Variants in SNX30 observed in about 807,000 individuals in gnomAD.
The protein encoded by SNX30 is sorting nexin family member 30.
SNX30 carries 24 observed loss-of-function variants against 46.4 expected under a neutral mutation model. The observed-to-expected ratio is 0.52, with a 90% CI of 0.37 to 0.73. SNX30 has a LOEUF of 0.73. Ranked by LOEUF, SNX30 falls within the 30% of genes least tolerant of loss-of-function variation. The pLI is 0.00. For missense variants in SNX30, 533 were observed against 555.7 expected (o/e 0.96, Z 0.41); for synonymous variants, 189 against 211.5 (o/e 0.89, Z 0.92).
upstream of SNX30, among the ~76,000 whole-genome samples, chr9:112,750,153 G>C (rs1285612937): frequency 6.6e-6 from 1 of 152,154 alleles, no homozygotes; most frequent in Non-Finnish European, 1.5e-5. Flanking sequence ...CTCTACTCAT[G>C]CTCGCTGTTC....
At chr9:112,882,092 A>G (rs1191911013), downstream of SNX30, among the ~76,000 whole-genome samples, 2 of 151,914 alleles carry the variant, frequency 1.3e-5, no homozygotes, top group African/African-American at 4.8e-5. Flanking sequence ...TAAGACATTC[A>G]TTTTTTGTTG....
intron 7 of SNX30, among the ~76,000 whole-genome samples, chr9:112,863,005 T>C (rs1010055383): frequency 3.3e-5 from 5 of 152,190 alleles, no homozygotes; most frequent in Non-Finnish European, 5.9e-5. Flanking sequence ...CCATGTCTAG[T>C]TCCCGTGTCA....
chr9:112,830,861 T>G lies in SNX30; in HGVS notation c.596T>G (p.Phe199Cys). ...DHPVLSFNEHFNIFLTAKDLN... is the reference protein window; with the variant it reads ...DHPVLSFNEHCNIFLTAKDLN... Reference sequence around the variant, plus strand: ...CCTGTGCTGTCTTTCAATGAACACTTTAATATTTTCCTTACTGCTAAGGTA... The same window carrying G: ...CCTGTGCTGTCTTTCAATGAACACTGTAATATTTTCCTTACTGCTAAGGTA... The change falls in exon 4 of 9, where the codon TTT becomes TGT. Residue 199 changes from phenylalanine to cysteine, a missense_variant. Coordinates refer to ENST00000374232, the MANE Select transcript of SNX30 (RefSeq NM_001012994.2). 6.2e-7 allele frequency: 1 copy of G among 1,612,036 alleles called. No homozygotes were observed. The highest frequency in any genetic ancestry group is 8.5e-7 in the Non-Finnish European group (1 of 1,179,470).
At chr9:112,829,903 T>C (rs569982364) in intron 3 of SNX30, among the ~76,000 whole-genome samples, 15 of 152,322 alleles carry the variant, frequency 9.8e-5, no homozygotes, top group African/African-American at 3.6e-4. Context: ...TAGAGAAATA[T>C]CTATTAGATT....
intron 7 of SNX30, among the ~76,000 whole-genome samples, chr9:112,851,646 T>C (rs1400456161): frequency 2.6e-5 from 4 of 152,228 alleles, no homozygotes; most frequent in African/African-American, 9.6e-5. Context: ...GGAATTGTAA[T>C]GGAGAAAGAG....
intron 7 of SNX30, among the ~76,000 whole-genome samples, chr9:112,853,114 T>C (rs1841057482): frequency 6.6e-6 from 1 of 152,164 alleles, no homozygotes. Context: ...GCCGAGTGGC[T>C]CTCCATCCTG....
In SNX30 at chr9:112,770,925, G is replaced by A. The variant is rs1490223159; in HGVS notation, c.156+19768G>A. Among the ~76,000 whole-genome samples, 9 of 152,176 alleles carry A rather than the reference G, an allele frequency of 5.9e-5. No individual in the cohort carries two copies. In the South Asian group the frequency reaches 1.2e-3, roughly 21 times the overall value. On this transcript the variant is annotated intron_variant, in intron 1 of 8. Coordinates refer to ENST00000374232, the MANE Select transcript of SNX30 (RefSeq NM_001012994.2). ...GCAGGAGAATCTCTTGAACCCAGGA[G>A]GCAGAAGTTGCAGTGAGCCGAGATC...
At chr9:112,804,428 G>A (rs989741502) in intron 1 of SNX30, among the ~76,000 whole-genome samples, 1 of 152,208 alleles carries the variant, frequency 6.6e-6, no homozygotes, top group Non-Finnish European at 1.5e-5. Flanking sequence ...GCCTCCCAAA[G>A]TGCTGGGATT....
chr9:112,840,008 C>T (rs1198823502), intron 6 of SNX30, among the ~76,000 whole-genome samples: 1 of 152,186 alleles, frequency 6.6e-6, no homozygotes, highest in Non-Finnish European at 1.5e-5. Context: ...TGCCACATAC[C>T]CATTCTCCTT....
downstream of SNX30, chr9:112,879,470 C>A: frequency 3.0e-6 from 1 of 329,352 alleles, no homozygotes; most frequent in Admixed American, 4.2e-5. Context: ...CCTGGGACTG[C>A]TGTGTGCAGC....
chr9:112,816,816 T>C (rs1297506219), intron 2 of SNX30, among the ~76,000 whole-genome samples: 2 of 152,232 alleles, frequency 1.3e-5, no homozygotes, highest in African/African-American at 2.4e-5. Context: ...GACAGTCATA[T>C]AGTGTGTATC....
chr9:112,830,828 C>G lies in SNX30; in HGVS notation c.563C>G (p.Thr188Arg), dbSNP rs1422283055. 1 of 1,613,774 alleles carries G rather than the reference C, an allele frequency of 6.2e-7. No homozygotes were observed. The highest frequency in any genetic ancestry group is 1.3e-5 in the African/African-American group (1 of 74,896). ...KALDKFLKRITDHPVLSFNEH... is the reference protein window; with the variant it reads ...KALDKFLKRIRDHPVLSFNEH... ...TTGGATAAATTTCTAAAAAGAATTA[C>G]GGACCATCCTGTGCTGTCTTTCAAT... is the stretch of plus-strand genomic sequence containing the variant. The change falls in exon 4 of 9, where the codon ACG becomes AGG. Residue 188 changes from threonine (T) to arginine (R), a missense_variant. Coordinates refer to ENST00000374232, the MANE Select transcript of SNX30 (RefSeq NM_001012994.2).
At chr9:112,866,972 T>TA (rs1588144262) in intron 8 of SNX30, among the ~76,000 whole-genome samples, 1 of 15,288 alleles carries the variant, frequency 6.5e-5, no homozygotes, top group African/African-American at 2.6e-4. Context: ...GAACTCCTCC[T>TA]CCTTCCTCAG....
intron 1 of SNX30, among the ~76,000 whole-genome samples, chr9:112,754,274 C>T (rs1839316695): frequency 6.6e-6 from 1 of 152,178 alleles, no homozygotes; most frequent in Admixed American, 6.5e-5. Flanking sequence ...ATGATGGACT[C>T]TCCACCAATT....
In SNX30 at chr9:112,763,548, A is replaced by G. The variant is rs1380569572; in HGVS notation, c.156+12391A>G. ...AGTTATTATGTTTTTTAAAAGAATTATTTGTTAAACCTGAGTGACAGGCCG... is the reference window on the plus strand; with the variant it reads ...AGTTATTATGTTTTTTAAAAGAATTGTTTGTTAAACCTGAGTGACAGGCCG... On this transcript the variant is annotated intron_variant, in intron 1 of 8. Coordinates refer to ENST00000374232, the MANE Select transcript of SNX30 (RefSeq NM_001012994.2). Among the ~76,000 whole-genome samples, 8 of 150,344 alleles carry G rather than the reference A, an allele frequency of 5.3e-5. No homozygotes were observed. The South Asian group carries it at 1.6e-3, about 29-fold the overall frequency.
intron 2 of SNX30, among the ~76,000 whole-genome samples, chr9:112,814,221 CTT>C (rs553224349): frequency 6.5e-4 from 99 of 152,278 alleles, no homozygotes; most frequent in African/African-American, 2.4e-3. Context: ...ATGAAAAAGA[CTT>C]GACTCAATTT....
At chr9:112,750,101 C>T (rs117370481), upstream of SNX30, among the ~76,000 whole-genome samples, 2,150 of 152,326 alleles carry the variant, frequency 0.014, 18 homozygotes, top group Admixed American at 0.024. Context: ...AAAGTCTCTT[C>T]GGCCAAAGTG....
intron 1 of SNX30, among the ~76,000 whole-genome samples, chr9:112,762,229 T>C (rs1457645684): frequency 6.6e-6 from 1 of 150,604 alleles, no homozygotes; most frequent in Non-Finnish European, 1.5e-5. Flanking sequence ...AATTTTTGTG[T>C]GTGTGTTGGT....
intron 1 of SNX30, among the ~76,000 whole-genome samples, chr9:112,752,005 T>A (rs1475364708): frequency 6.6e-6 from 1 of 152,152 alleles, no homozygotes; most frequent in African/African-American, 2.4e-5. Flanking sequence ...CTGCCGTCAC[T>A]TAGTCACTAA....
Sources: allele counts gnomAD v4.1 joint callset (sites outside exome capture counted in the v4.1 genomes callset), GRCh38; gene constraint gnomAD v4.1.1; transcripts MANE v1.5; gene names NCBI Gene and HGNC (gene_info 2026-07-23, HGNC 2026-07-21).